The following EXOSC8 variants were observed in gnomAD, a reference collection of about 807,000 sequenced individuals.
EXOSC8 encodes the protein exosome component 8.
A neutral mutation model predicts 39.9 loss-of-function variants in EXOSC8; 37 were observed. The ratio of observed to expected loss-of-function variants is 0.93; its 90% CI spans 0.71 to 1.22. The LOEUF is 1.22. Ranked by LOEUF, EXOSC8 falls within the 50% of genes most tolerant of loss-of-function variation. The pLI is 0.00. For synonymous variants in EXOSC8, 93 were observed against 109.5 expected (o/e 0.85, Z 0.94); for missense variants, 313 against 326.6 (o/e 0.96, Z 0.32).
At chr13:37,004,445 C>CT in intron 4 of EXOSC8, 71 bp from the exon 5 acceptor site, 3 of 1,074,424 alleles carry the variant, frequency 2.8e-6, no homozygotes, top group Non-Finnish European at 4.3e-6. Flanking sequence ...CCTTCCATAA[C>CT]TGATTGCTAA....
rs140108815 is a variant in EXOSC8, at chr13:37,005,953, C to G, written c.272C>G (p.Ser91Trp). The part of the protein sequence containing the change: ...PNVDLPPLCS[S>W]RFRSGPPGEE... ...GTGGATCTACCACCCCTGTGTTCAT[C>G]GAGATTCCGGTCTGGACCTCCTGGA... The change falls in exon 6 of 11, where the codon TCG becomes TGG. Residue 91 changes from serine (S) to tryptophan (W), a missense_variant. Physicochemically the swap from Ser to Trp is radical, Grantham distance 177. Coordinates refer to ENST00000389704, the MANE Select transcript of EXOSC8 (RefSeq NM_181503.3). The G allele has an allele frequency of 6.2e-7, 1 of 1,608,452 alleles. No homozygotes were observed. The highest frequency in any genetic ancestry group is 2.2e-5 in the East Asian group (1 of 44,624).
intron 4 of EXOSC8, 60 bp downstream of exon 4, chr13:37,003,067 T>A (rs901527918): frequency 2.0e-6 from 2 of 977,040 alleles, no homozygotes; most frequent in Non-Finnish European, 3.3e-6. Context: ...TTTATTAGAT[T>A]GTAATATACA....
At position 37,008,175 on chromosome 13, in the gene EXOSC8, T is replaced by G; in HGVS notation, c.606T>G (p.Asp202Glu). ...HPVATSFAVF[D>E]DTLLIVDPTG... ...TTGCAACTTCCTTTGCTGTGTTTGA[T>G]GAGTAAGTTAATCAAACTTACTTTA... Residue 202 changes from aspartate to glutamate, a missense_variant and splice_region_variant, in exon 9 of 11, where the codon GAT becomes GAG. By Grantham distance (45) the Asp-to-Glu change is conservative. Coordinates refer to ENST00000389704, the MANE Select transcript of EXOSC8 (RefSeq NM_181503.3). 1 of 1,594,492 alleles carries G rather than the reference T, an allele frequency of 6.3e-7. No homozygotes were observed. Among genetic ancestry groups the G allele is most frequent in the East Asian group, 2.2e-5 (1 of 44,680 alleles).
chr13:37,002,226 TAA>T (rs769438130), intron 1 of EXOSC8, 45 bp from the exon 2 acceptor site: 3 of 1,444,734 alleles, frequency 2.1e-6, no homozygotes, highest in Admixed American at 1.7e-5. Context: ...GGATTTATGT[TAA>T]GATTCATCAG....
At position 37,002,519 on chromosome 13, in the gene EXOSC8, TTGG is replaced by T. The variant is rs764339075; in HGVS notation, c.89_91del (p.Gly30del). On this transcript the variant is annotated inframe_deletion, in exon 3 of 11. Transcript: ENST00000389704. ...AACTGCCGTCCTGATGGAAGAGAAC[TTGG>T]TGAATTCAGAACCACAACTGTCAAC... 5.0e-6 allele frequency: 8 copies of T among 1,593,572 alleles called. No homozygotes were observed. In the African/African-American group the frequency reaches 5.4e-5, roughly 11 times the overall value.
intron 1 of EXOSC8, 71 bp downstream of exon 1, chr13:37,000,893 G>A: frequency 7.0e-7 from 1 of 1,435,326 alleles, no homozygotes; most frequent in Non-Finnish European, 9.2e-7. Flanking sequence ...CTCTTAGCTG[G>A]GATTCTCTCA....
chr13:37,002,379 T>C, intron 2 of EXOSC8, 70 bp downstream of exon 2: 1 of 1,434,424 alleles, frequency 7.0e-7, no homozygotes, highest in Non-Finnish European at 9.8e-7. Flanking sequence ...TTTCAAGTAA[T>C]TTAAATTAAT....
At chr13:37,004,851 C>A (rs1177542175) in intron 5 of EXOSC8, among the ~76,000 whole-genome samples, 1 of 152,128 alleles carries the variant, frequency 6.6e-6, no homozygotes, top group East Asian at 1.9e-4. Flanking sequence ...TGTGGTGACT[C>A]ACACCTATAA....
intron 7 of EXOSC8, 38 bp from the exon 8 acceptor site, chr13:37,006,937 A>G (rs1221711553): frequency 1.6e-6 from 2 of 1,274,112 alleles, no homozygotes; most frequent in South Asian, 2.4e-5. Context: ...TACCCATTAG[A>G]AGACTTTAAT....
In EXOSC8 at chr13:37,000,942, C is replaced by T. The variant is rs1232542999; in HGVS notation, c.17+120C>T. On this transcript the variant is annotated intron_variant, in intron 1 of 10. Transcript: ENST00000389704. ...CCCGTTGGGGTGCCATTTCCTTCCT[C>T]GTCGAGGCAGACGATGGGCGGGAGG... 1.9e-5 allele frequency: 24 copies of T among 1,251,486 alleles called. No individual in the cohort carries two copies. The Admixed American group carries it at 4.8e-4, about 25-fold the overall frequency. 77.5% of individuals were successfully genotyped at this position (1,251,486 alleles called of 1,614,324 possible). A position where few individuals can be genotyped will look rare whatever the true frequency, so the allele number is the denominator to read the frequency against.
Position 37,006,040 on chromosome 13 carries a change from A to G in EXOSC8, c.344+15A>G, listed in dbSNP as rs771621623. On this transcript the variant is annotated intron_variant, in intron 6 of 10. Coordinates refer to ENST00000389704, the MANE Select transcript of EXOSC8 (RefSeq NM_181503.3). ...GTCATTGAAAAGTAAGAGCACCATG[A>G]TAAAATTTTATTACAATTCATTTTC... The G allele has an allele frequency of 1.3e-6, 2 of 1,585,628 alleles. No individual in the cohort carries two copies. The highest frequency in any genetic ancestry group is 1.7e-5 in the Admixed American group (1 of 59,316).
rs982890468 is a variant in EXOSC8 at position 37,004,257 on chromosome 13, T to C, written c.193-259T>C. The C allele has an allele frequency of 8.9e-6, 3 of 338,628 alleles. No homozygotes were observed. In the South Asian group the frequency reaches 3.6e-4, roughly 41 times the overall value. 21.0% of individuals were successfully genotyped at this position (338,628 alleles called of 1,614,324 possible). ...ACAAATTAAGATTCTTGGCTAGTAG[T>C]TGGGGGCACAAACCCAGTTACTATT... On this transcript the variant is annotated intron_variant, in intron 4 of 10. Coordinates refer to ENST00000389704, the MANE Select transcript of EXOSC8 (RefSeq NM_181503.3).
chr13:37,009,480 C>A lies in EXOSC8; in HGVS notation c.*181C>A. On this transcript the variant is annotated 3_prime_UTR_variant, in exon 11 of 11. Transcript: ENST00000389704. Reference sequence around the variant, plus strand: ...CATTTTTAAAAAGCAATGACTTAGGCAAACCAACCCTAGTTTGTTAAACCA... The same window carrying A: ...CATTTTTAAAAAGCAATGACTTAGGAAAACCAACCCTAGTTTGTTAAACCA... 1 of 821,280 alleles carries A rather than the reference C, an allele frequency of 1.2e-6. No individual in the cohort carries two copies. The allele number at this position is 821,280 out of a possible 1,614,324, so 50.9% of individuals were successfully genotyped here. A position where few individuals can be genotyped will look rare whatever the true frequency, so the allele number is the denominator to read the frequency against.
chr13:37,008,668 T>A, intron 9 of EXOSC8, 61 bp from the exon 10 acceptor site: 1 of 1,021,474 alleles, frequency 9.8e-7, no homozygotes. Flanking sequence ...ATAGTATGTT[T>A]AGTATTTTAA....
intron 5 of EXOSC8, among the ~76,000 whole-genome samples, chr13:37,004,784 C>G (rs767422618): frequency 1.3e-5 from 2 of 152,130 alleles, no homozygotes; most frequent in Non-Finnish European, 2.9e-5. Context: ...CTTGTTTGCT[C>G]AATTTTTGTT....
Position 37,002,482 on chromosome 13 carries a change from A to G in EXOSC8, c.55-6A>G. On this transcript the variant is annotated splice_region_variant and splice_polypyrimidine_tract_variant and intron_variant, in intron 2 of 10. Coordinates refer to ENST00000389704, the MANE Select transcript of EXOSC8 (RefSeq NM_181503.3). Reference sequence around the variant, plus strand: ...AATCTATTTTTATATAAACATATTTATTTAGAAAGAGAACTGCCGTCCTGA... The same window carrying G: ...AATCTATTTTTATATAAACATATTTGTTTAGAAAGAGAACTGCCGTCCTGA... 1 of 1,545,592 alleles carries G rather than the reference A, an allele frequency of 6.5e-7. No homozygotes were observed. The highest frequency in any genetic ancestry group is 8.8e-7 in the Non-Finnish European group (1 of 1,135,730).
intron 1 of EXOSC8, chr13:37,001,519 G>C (rs1447844927): frequency 6.6e-6 from 1 of 152,228 alleles, no homozygotes; most frequent in African/African-American, 2.4e-5. Context: ...TTGTGTGTGT[G>C]AAGCCAGTGG....
In EXOSC8 at chr13:37,002,947, C is replaced by A; in HGVS notation, c.132C>A (p.Thr44=). 1 of 1,609,278 alleles carries A rather than the reference C, an allele frequency of 6.2e-7. No individual in the cohort carries two copies. The highest frequency in any genetic ancestry group is 8.5e-7 in the Non-Finnish European group (1 of 1,176,208). ...TTATCTTTTCAGGTTCAATTAGTAC[C>A]GCAGATGGTTCTGCTTTAGTGAAGT... ...TTTVNIGSIS[T]ADGSALVKLG... The change falls in exon 4 of 11, where the codon ACC becomes ACA. Residue 44 remains threonine, a synonymous_variant. Coordinates refer to ENST00000389704, the MANE Select transcript of EXOSC8 (RefSeq NM_181503.3).
rs371593334 is a variant in EXOSC8, at chr13:37,008,143, C to T, written c.574C>T (p.His192Tyr). 5 of 1,596,828 alleles carry T rather than the reference C, an allele frequency of 3.1e-6. No homozygotes were observed. The highest frequency in any genetic ancestry group is 1.8e-5 in the Admixed American group (1 of 56,606). Residue 192 changes from histidine (H) to tyrosine (Y), a missense_variant, in exon 9 of 11, where the codon CAT (histidine) becomes TAT (tyrosine). His to Tyr is a moderately conservative substitution (Grantham distance 83, BLOSUM62 2). Coordinates refer to ENST00000389704, the MANE Select transcript of EXOSC8 (RefSeq NM_181503.3). Reference protein sequence around the residue: ...KKKSYLNIRTHPVATSFAVFD... With the variant: ...KKKSYLNIRTYPVATSFAVFD... ...GAAAAGTTATTTGAATATTAGAACTCATCCAGTTGCAACTTCCTTTGCTGT... is the reference window on the plus strand; with the variant it reads ...GAAAAGTTATTTGAATATTAGAACTTATCCAGTTGCAACTTCCTTTGCTGT...
Sources: gnomAD v4.1 joint callset for allele counts (sites outside exome capture counted in the v4.1 genomes callset) on GRCh38, gnomAD v4.1.1 for gene constraint, MANE v1.5 for transcripts, NCBI Gene and HGNC (gene_info 2026-07-23, HGNC 2026-07-21) for gene names.